RIN2: variants seen among roughly 807,000 people sequenced by gnomAD.
RIN2 encodes RAB5 interacting protein 2.
Under a neutral mutation model 78.0 loss-of-function variants are expected in RIN2, and 36 were observed. The observed-to-expected ratio is 0.46, with a 90% CI of 0.35 to 0.61. RIN2 has a LOEUF of 0.61. Ranked by LOEUF, RIN2 falls within the 20% of genes least tolerant of loss-of-function variation. The probability of loss-of-function intolerance (pLI) is 0.00; values close to 1 mark genes in which losing one functional copy is unlikely to be tolerated. For synonymous variants in RIN2, 466 were observed against 466.8 expected, an observed-to-expected ratio of 1.00 and a Z score of 0.02; for missense variants, 1,087 against 1,159.7, an observed-to-expected ratio of 0.94 and a Z score of 0.91.
chr20:19,985,235 G>A (rs908415430), intron 9 of RIN2, among the ~76,000 whole-genome samples: 6 of 152,236 alleles, frequency 3.9e-5, no homozygotes, highest in Non-Finnish European at 8.8e-5. Context: ...CAGCATGAAG[G>A]AAAGGGTCAA....
chr20:19,766,402 G>A (rs1241906402), intron 1 of RIN2, among the ~76,000 whole-genome samples: 1 of 152,104 alleles, frequency 6.6e-6, no homozygotes, highest in Non-Finnish European at 1.5e-5. Flanking sequence ...GGGATCAGAG[G>A]TAGAGTCATT....
At chr20:19,930,419 G>A (rs2040396747) in intron 3 of RIN2, among the ~76,000 whole-genome samples, 1 of 152,218 alleles carries the variant, frequency 6.6e-6, no homozygotes, top group Non-Finnish European at 1.5e-5. Context: ...AACAGCATCG[G>A]CAAGAGCGGT....
intron 3 of RIN2, among the ~76,000 whole-genome samples, chr20:19,911,005 T>C (rs374561641): frequency 6.6e-6 from 1 of 152,194 alleles, no homozygotes; most frequent in East Asian, 1.9e-4. Flanking sequence ...TCTGTCATTC[T>C]CTTTCTACAC....
chr20:19,762,185 G>A (rs1049864980), intron 1 of RIN2, among the ~76,000 whole-genome samples: 13 of 152,156 alleles, frequency 8.5e-5, no homozygotes, highest in African/African-American at 2.7e-4. Flanking sequence ...TGCAGCCCCC[G>A]TTCACAAGCA....
At chr20:19,780,467 G>A (rs981569828) in intron 1 of RIN2, among the ~76,000 whole-genome samples, 6 of 151,952 alleles carry the variant, frequency 3.9e-5, no homozygotes, top group African/African-American at 7.3e-5. Flanking sequence ...GATGTCACAC[G>A]CCCTGCTACC....
chr20:19,885,269 G>A (rs538342257), intron 2 of RIN2, among the ~76,000 whole-genome samples: 2 of 152,184 alleles, frequency 1.3e-5, no homozygotes, highest in East Asian at 1.9e-4. Flanking sequence ...AGATTGGGCC[G>A]ATGTTGGTCA....
intron 2 of RIN2, among the ~76,000 whole-genome samples, chr20:19,844,698 C>CTCT (rs869169793): frequency 0.078 from 2,032 of 26,092 alleles, 115 homozygotes; most frequent in Middle Eastern, 0.2. Flanking sequence ...CTTCCTCTTC[C>CTCT]TCTTCTTCTT....
At chr20:19,831,056 G>T (rs1006500166) in intron 2 of RIN2, among the ~76,000 whole-genome samples, 9 of 152,114 alleles carry the variant, frequency 5.9e-5, no homozygotes, top group Non-Finnish European at 7.4e-5. Flanking sequence ...CTCCAAGTCT[G>T]CTTCTGGGAG....
chr20:19,998,262 G>A (rs1247998447), intron 12 of RIN2, among the ~76,000 whole-genome samples: 2 of 151,530 alleles, frequency 1.3e-5, no homozygotes, highest in Admixed American at 6.6e-5. Flanking sequence ...GATTACAGGC[G>A]TGAGCCACTG....
intron 9 of RIN2, among the ~76,000 whole-genome samples, chr20:19,976,265 C>T (rs772898037): frequency 6.6e-6 from 1 of 152,114 alleles, no homozygotes; most frequent in Non-Finnish European, 1.5e-5. Flanking sequence ...GAGTTTCCAC[C>T]GCAAGCTTAC....
intron 2 of RIN2, among the ~76,000 whole-genome samples, chr20:19,827,581 A>G (rs995373810): frequency 1.2e-4 from 19 of 152,196 alleles, no homozygotes; most frequent in Non-Finnish European, 4.4e-5. Context: ...ATAATCTCAC[A>G]TGCATTTAAC....
At chr20:19,864,958 A>G (rs1177340395) in intron 2 of RIN2, among the ~76,000 whole-genome samples, 2 of 152,180 alleles carry the variant, frequency 1.3e-5, no homozygotes, top group Non-Finnish European at 2.9e-5. Context: ...TGAAATCTTA[A>G]CAAGTTTTAT....
intron 2 of RIN2, among the ~76,000 whole-genome samples, chr20:19,885,832 T>C (rs1480741191): frequency 2.0e-5 from 3 of 152,248 alleles, no homozygotes; most frequent in Non-Finnish European, 2.9e-5. Flanking sequence ...TGTATACCTA[T>C]ATATATCAAG....
chr20:19,806,505 A>G (rs1355151845), intron 2 of RIN2, among the ~76,000 whole-genome samples: 1 of 152,196 alleles, frequency 6.6e-6, no homozygotes, highest in Non-Finnish European at 1.5e-5. Context: ...GGAAGGAAAG[A>G]GGAGAAACCT....
chr20:19,768,974 T>G (rs1044229518), intron 1 of RIN2, among the ~76,000 whole-genome samples: 1 of 147,890 alleles, frequency 6.8e-6, no homozygotes, highest in South Asian at 2.1e-4. Context: ...CAGGCTGGAG[T>G]ACAAAGTCGC....
At chr20:19,917,782 C>G (rs986881519) in intron 3 of RIN2, among the ~76,000 whole-genome samples, 1 of 151,986 alleles carries the variant, frequency 6.6e-6, no homozygotes, top group East Asian at 1.9e-4. Context: ...GGCGGAATCG[C>G]CTTTTAAAGG....
intron 2 of RIN2, among the ~76,000 whole-genome samples, chr20:19,865,082 A>C (rs1387147686): frequency 6.6e-6 from 1 of 152,202 alleles, no homozygotes; most frequent in Non-Finnish European, 1.5e-5. Flanking sequence ...TTTGCTGTAA[A>C]TGTTTACGAC....
At chr20:19,762,663 G>A (rs1423006123) in intron 1 of RIN2, among the ~76,000 whole-genome samples, 1 of 152,180 alleles carries the variant, frequency 6.6e-6, no homozygotes, top group Admixed American at 6.5e-5. Flanking sequence ...CATTAGCCAA[G>A]CCGTGGAGTT....
At chr20:19,951,140 C>A (rs1214930109) in intron 4 of RIN2, among the ~76,000 whole-genome samples, 2 of 152,116 alleles carry the variant, frequency 1.3e-5, no homozygotes, top group Non-Finnish European at 2.9e-5. Context: ...GCGATCCATA[C>A]ACCTTGCCCT....
Sources: gnomAD v4.1 joint callset for allele counts (sites outside exome capture counted in the v4.1 genomes callset) on GRCh38, gnomAD v4.1.1 for gene constraint, MANE v1.5 for transcripts, NCBI Gene and HGNC (gene_info 2026-07-23, HGNC 2026-07-21) for gene names.